MUC22: variants seen among roughly 807,000 people sequenced by gnomAD.
MUC22 encodes the protein mucin 22.
Under a neutral mutation model 40.3 loss-of-function variants are expected in MUC22, and 24 were observed. The observed-to-expected ratio is 0.60, with a 90% CI of 0.43 to 0.84. MUC22 has a LOEUF of 0.84. MUC22 is among the 40% of genes least tolerant of loss of function. MUC22 has a pLI of 0.00. For missense variants in MUC22, 1,926 were observed against 2,130.7 expected, an observed-to-expected ratio of 0.90 and a Z score of 1.89; for synonymous variants, 765 against 844.5, an observed-to-expected ratio of 0.91 and a Z score of 1.63.
intron 1 of MUC22, among the ~76,000 whole-genome samples, chr6:31,018,943 C>G (rs944741543): frequency 7.8e-6 from 1 of 128,294 alleles, no homozygotes; most frequent in Non-Finnish European, 1.7e-5. Context: ...GGTCCAGCGC[C>G]CTATTCTCCA....
intron 1 of MUC22, among the ~76,000 whole-genome samples, chr6:31,013,979 G>A (rs1764025544): frequency 6.6e-6 from 1 of 152,106 alleles, no homozygotes. Flanking sequence ...TCACATTCCC[G>A]CTCACAATTC....
At chr6:31,033,557 C>T (rs1257651362) in intron 3 of MUC22, among the ~76,000 whole-genome samples, 1 of 152,168 alleles carries the variant, frequency 6.6e-6, no homozygotes, top group East Asian at 1.9e-4. Flanking sequence ...TGATGTTCTT[C>T]CTGTTTTCTT....
exon 4 of MUC22, chr6:31,035,148 A>C: frequency 1.8e-6 from 1 of 567,974 alleles, no homozygotes. Flanking sequence ...AGGTCAAGAA[A>C]AGAACCAGCA....
At chr6:31,015,502 C>T (rs1487688706) in intron 1 of MUC22, among the ~76,000 whole-genome samples, 4 of 152,102 alleles carry the variant, frequency 2.6e-5, no homozygotes, top group Admixed American at 1.3e-4. Flanking sequence ...TAGCCATGTG[C>T]CCAGGAAGAA....
intron 1 of MUC22, among the ~76,000 whole-genome samples, chr6:31,016,088 G>C (rs73727156): frequency 1.4e-5 from 2 of 145,182 alleles, no homozygotes; most frequent in Admixed American, 1.4e-4. Context: ...TTTTCAAAGA[G>C]ATCTTTTTTT....
intron 1 of MUC22, among the ~76,000 whole-genome samples, chr6:31,019,880 G>A (rs928835203): frequency 1.3e-5 from 2 of 152,174 alleles, no homozygotes; most frequent in African/African-American, 4.8e-5. Context: ...TCCACAGAGT[G>A]GCAGCCTGGC....
rs1004435421 is a variant in MUC22, at chr6:31,026,684, C to T, written c.1253C>T (p.Ala418Val). ...TATACTGCAGATTCTGAGACCACTG[C>T]AGCCTCTACCACAGGCTCTGAGATG... The change falls in exon 2 of 4, where the codon GCA becomes GTA. Residue 418 changes from alanine to valine, a missense_variant. By Grantham distance (64) the Ala-to-Val change is moderately conservative. Coordinates refer to ENST00000561890, the Ensembl canonical transcript of MUC22. 7.3e-6 allele frequency: 11 copies of T among 1,506,408 alleles called. 1 individual carries two copies. Among genetic ancestry groups the T allele is most frequent in the Non-Finnish European group, 9.8e-6 (11 of 1,127,936 alleles). 93.3% of individuals were successfully genotyped at this position (1,506,408 alleles called of 1,614,324 possible). A position where few individuals can be genotyped will look rare whatever the true frequency, so the allele number is the denominator to read the frequency against.
At chr6:31,027,982 G>C in exon 2 of MUC22, 1 of 1,530,424 alleles carries the variant, frequency 6.5e-7, no homozygotes, top group Non-Finnish European at 8.7e-7. Flanking sequence ...AGTCTCTACT[G>C]CAGATTCTGA....
chr6:31,033,297 G>A (rs1330633192), intron 3 of MUC22, among the ~76,000 whole-genome samples: 1 of 150,560 alleles, frequency 6.6e-6, no homozygotes, highest in Non-Finnish European at 1.5e-5. Flanking sequence ...GAAACTGAGA[G>A]AGAAAGAGAA....
Position 31,026,215 on chromosome 6 carries a change from G to A in MUC22, c.784G>A (p.Ala262Thr), listed in dbSNP as rs902891600. ...GAGCTCTGAGACCACTGTGGCCCCC[G>A]CTGCAGGCTCTAACACCACCACAGC... The change falls in exon 2 of 4, where the codon GCT becomes ACT. Residue 262 changes from alanine (A) to threonine (T), a missense_variant. Transcript: ENST00000561890. The A allele has an allele frequency of 1.3e-5, 19 of 1,517,178 alleles. No individual in the cohort carries two copies. The highest frequency in any genetic ancestry group is 1.7e-4 in the Middle Eastern group (1 of 5,928). The allele number at this position is 1,517,178 out of a possible 1,614,324, so 94.0% of individuals were successfully genotyped here.
intron 1 of MUC22, among the ~76,000 whole-genome samples, chr6:31,013,642 G>A (rs1581603824): frequency 6.6e-6 from 1 of 152,168 alleles, no homozygotes; most frequent in African/African-American, 2.4e-5. Context: ...CAGGGTTCCT[G>A]TTGGCATTTA....
At chr6:31,022,428 A>G (rs952022882) in intron 1 of MUC22, among the ~76,000 whole-genome samples, 1 of 152,110 alleles carries the variant, frequency 6.6e-6, no homozygotes, top group Non-Finnish European at 1.5e-5. Flanking sequence ...AAATGCTGGG[A>G]TTACAGGCGT....
rs183772452 is a variant in MUC22 at position 31,020,659 on chromosome 6, G to T, written c.71-4843G>T. Among the ~76,000 whole-genome samples, 291 of 152,264 alleles carry T rather than the reference G, an allele frequency of 1.9e-3. 5 individuals carry two copies. Among genetic ancestry groups the T allele is most frequent in the Non-Finnish European group, 2.0e-3 (137 of 67,998 alleles). On this transcript the variant is annotated intron_variant, in intron 1 of 3. Coordinates refer to ENST00000561890, the Ensembl canonical transcript of MUC22. ...CCTTCAGCCCACCGCTGCACTGTGG[G>T]AGTCCCTTTCTGGGCTGGCCGAGGC...
intron 1 of MUC22, among the ~76,000 whole-genome samples, chr6:31,018,902 C>T (rs911940506): frequency 3.9e-5 from 6 of 152,224 alleles, no homozygotes; most frequent in African/African-American, 1.4e-4. Context: ...GCGTCTCCTC[C>T]TCTATCTGAG....
exon 1 of MUC22, chr6:31,010,637 G>A (rs1763799496): frequency 2.9e-6 from 2 of 699,418 alleles, no homozygotes; most frequent in East Asian, 5.4e-5. Flanking sequence ...TTGTCTCTCT[G>A]CCTCTTTGAC....
chr6:31,028,972 G>C (rs1432831494), exon 2 of MUC22: 1 of 1,527,746 alleles, frequency 6.5e-7, no homozygotes, highest in Non-Finnish European at 8.7e-7. Context: ...AGCCTCTACT[G>C]AAGGCTCTGA....
At chr6:31,018,082 C>A (rs6910669) in intron 1 of MUC22, among the ~76,000 whole-genome samples, 22,121 of 152,242 alleles carry the variant, frequency 0.15, 1,771 homozygotes, top group African/African-American at 0.19. Context: ...GTGACACTCA[C>A]GGCGAGAGTC....
intron 2 of MUC22, among the ~76,000 whole-genome samples, chr6:31,031,104 C>T (rs1766029043): frequency 1.3e-5 from 2 of 152,076 alleles, no homozygotes; most frequent in African/African-American, 4.8e-5. Context: ...TCTAAGCATA[C>T]TCACTTCTAT....
In MUC22 at chr6:31,032,200, C is replaced by A; in HGVS notation, c.4674C>A (p.Thr1558=). 6.5e-7 allele frequency: 1 copy of A among 1,533,024 alleles called. No homozygotes were observed. Among genetic ancestry groups the A allele is most frequent in the South Asian group, 1.2e-5 (1 of 83,578 alleles). 95.0% of individuals were successfully genotyped at this position (1,533,024 alleles called of 1,614,324 possible). A position where few individuals can be genotyped will look rare whatever the true frequency, so the allele number is the denominator to read the frequency against. Residue 1558 remains threonine (T), a synonymous_variant, in exon 3 of 4, where the codon ACC becomes ACA. Transcript: ENST00000561890. The surrounding 1 kb of genome is among the most constrained non-coding windows in gnomAD (Gnocchi z 4.1). Reference sequence around the variant, plus strand: ...CTTGTGTGACCTGTTTCATAGGCACCAGAACCACTGGAACCAGACTCACTG... The same window carrying A: ...CTTGTGTGACCTGTTTCATAGGCACAAGAACCACTGGAACCAGACTCACTG...
Sources: allele counts gnomAD v4.1 joint callset (sites outside exome capture counted in the v4.1 genomes callset), GRCh38; gene constraint gnomAD v4.1.1; non-coding constraint Gnocchi (gnomAD v3.1); transcripts MANE v1.5; gene names NCBI Gene and HGNC (gene_info 2026-07-23, HGNC 2026-07-21).